The following SBF2 variants were observed in gnomAD, a reference collection of about 807,000 sequenced individuals.
The protein encoded by SBF2 is SET binding factor 2.
Under a neutral mutation model 225.2 loss-of-function variants are expected in SBF2, and 112 were observed. The ratio of observed to expected loss-of-function variants is 0.50; its 90% CI spans 0.43 to 0.58. The LOEUF (loss-of-function observed/expected upper bound fraction) is 0.58. Among genes scored for constraint, SBF2 ranks in the 20% least tolerant of loss-of-function variants. The probability of loss-of-function intolerance (pLI) is 0.00; values close to 1 mark genes in which losing one functional copy is unlikely to be tolerated. For missense variants in SBF2, 1,996 were observed against 2,206.2 expected (o/e 0.90, Z 1.91); for synonymous variants, 763 against 773.3 (o/e 0.99, Z 0.22).
At chr11:10,236,748 C>T (rs985889588) in intron 1 of SBF2, among the ~76,000 whole-genome samples, 2 of 152,168 alleles carry the variant, frequency 1.3e-5, no homozygotes, top group Admixed American at 1.3e-4. Context: ...AGGCGTGAGT[C>T]ACCACGCCCA....
intron 2 of SBF2, among the ~76,000 whole-genome samples, chr11:10,131,847 A>G (rs1457662287): frequency 6.6e-6 from 1 of 152,210 alleles, no homozygotes; most frequent in Non-Finnish European, 1.5e-5. Flanking sequence ...TAGCACAGCA[A>G]AAGTTCTTAA....
chr11:9,899,965 T>C (rs951316779), intron 16 of SBF2, among the ~76,000 whole-genome samples: 1 of 151,424 alleles, frequency 6.6e-6, no homozygotes, highest in Non-Finnish European at 1.5e-5. Flanking sequence ...TACTGATAGC[T>C]GTTACTTGGG....
At chr11:9,962,752 TATA>T (rs1364743942) in intron 15 of SBF2, among the ~76,000 whole-genome samples, 1 of 152,082 alleles carries the variant, frequency 6.6e-6, no homozygotes, top group African/African-American at 2.4e-5. Flanking sequence ...TTACTTCACA[TATA>T]ATAATAATAA....
chr11:10,144,786 T>C (rs568858882), intron 2 of SBF2, among the ~76,000 whole-genome samples: 1 of 152,368 alleles, frequency 6.6e-6, no homozygotes, highest in Admixed American at 6.5e-5. Flanking sequence ...GACCTATTAA[T>C]GAAATATTAG....
rs545338597 is a variant in SBF2 at position 9,918,900 on chromosome 11, G to A, written c.1861-22889C>T. Among the ~76,000 whole-genome samples the A allele has an allele frequency of 4.6e-5, 7 of 151,954 alleles. 1 individual carries two copies. The South Asian group carries it at 6.3e-4, about 14-fold the overall frequency. On this transcript the variant is annotated intron_variant, in intron 16 of 39. Transcript: ENST00000256190. ...ACTACAGGCGCCTGCCACCACGCCC[G>A]GCTAATTTTTTCTATTTTTTTTTAG...
chr11:10,272,347 C>G (rs72850483), intron 1 of SBF2: 2 of 628,242 alleles, frequency 3.2e-6, no homozygotes, highest in Non-Finnish European at 5.1e-6. Context: ...GGCTTACTTA[C>G]TTGCTAGTTA....
intron 8 of SBF2, among the ~76,000 whole-genome samples, chr11:10,000,145 T>C (rs1252645639): frequency 6.6e-6 from 1 of 152,238 alleles, no homozygotes; most frequent in African/African-American, 2.4e-5. Flanking sequence ...CAGAAATCTG[T>C]TTCTATAGCC....
At chr11:9,826,788 T>C (rs897397064) in intron 28 of SBF2, among the ~76,000 whole-genome samples, 1 of 151,358 alleles carries the variant, frequency 6.6e-6, no homozygotes, top group Non-Finnish European at 1.5e-5. Flanking sequence ...CACACACACT[T>C]TTGTTTATTT....
intron 1 of SBF2, among the ~76,000 whole-genome samples, chr11:10,228,552 G>A (rs530384902): frequency 4.6e-5 from 7 of 152,208 alleles, no homozygotes; most frequent in African/African-American, 1.4e-4. Flanking sequence ...ATTTTCAAAG[G>A]CCTTTTCTGC....
At chr11:9,836,823 C>T (rs1386798607) in intron 26 of SBF2, among the ~76,000 whole-genome samples, 1 of 152,032 alleles carries the variant, frequency 6.6e-6, no homozygotes, top group African/African-American at 2.4e-5. Flanking sequence ...TTTTTTAGTG[C>T]TACTGTAAAT....
At chr11:9,921,976 T>C (rs191882050) in intron 16 of SBF2, among the ~76,000 whole-genome samples, 12 of 152,316 alleles carry the variant, frequency 7.9e-5, no homozygotes, top group African/African-American at 2.6e-4. Flanking sequence ...CTGGGCATGG[T>C]AGTTCATGTC....
At chr11:9,847,140 T>G in intron 22 of SBF2, 57 bp from the exon 23 acceptor site, 1 of 1,597,586 alleles carries the variant, frequency 6.3e-7, no homozygotes, top group Non-Finnish European at 8.6e-7. Context: ...ACTTTTAGAG[T>G]GTCTACTGCT....
chr11:10,231,802 G>C (rs549596452), intron 1 of SBF2, among the ~76,000 whole-genome samples: 1 of 152,296 alleles, frequency 6.6e-6, no homozygotes, highest in East Asian at 1.9e-4. Context: ...ATCTCAAGCT[G>C]CGTGCTGGGA....
chr11:10,098,542 C>G (rs1389614865), intron 2 of SBF2, among the ~76,000 whole-genome samples: 1 of 149,246 alleles, frequency 6.7e-6, no homozygotes, highest in Non-Finnish European at 1.5e-5. Context: ...TAACTAACAC[C>G]AAAGAAATGG....
chr11:10,165,292 T>G (rs1565305112), intron 2 of SBF2, among the ~76,000 whole-genome samples: 1 of 152,188 alleles, frequency 6.6e-6, no homozygotes, highest in Non-Finnish European at 1.5e-5. Context: ...GCATTGCTAT[T>G]GGTATTTGAA....
chr11:9,886,134 G>C (rs565221422), intron 17 of SBF2, among the ~76,000 whole-genome samples: 1 of 152,324 alleles, frequency 6.6e-6, no homozygotes, highest in African/African-American at 2.4e-5. Context: ...GGCTGGCTCA[G>C]TCATAATTAT....
chr11:9,843,480 G>A (rs1245078291), intron 24 of SBF2, among the ~76,000 whole-genome samples: 1 of 152,168 alleles, frequency 6.6e-6, no homozygotes, highest in East Asian at 1.9e-4. Context: ...AACCCTTCTT[G>A]CTGACAGAAA....
intron 17 of SBF2, among the ~76,000 whole-genome samples, chr11:9,865,946 T>C (rs1590262633): frequency 6.6e-6 from 1 of 152,124 alleles, no homozygotes; most frequent in African/African-American, 2.4e-5. Context: ...TCCAACTGTT[T>C]GCTATTATAA....
chr11:9,824,087 T>A (rs10840309), intron 28 of SBF2, among the ~76,000 whole-genome samples: 2 of 151,966 alleles, frequency 1.3e-5, no homozygotes, highest in Non-Finnish European at 2.9e-5. Context: ...GATATGCACA[T>A]AGTGGTCATA....
Sources: allele counts gnomAD v4.1 joint callset (sites outside exome capture counted in the v4.1 genomes callset), GRCh38; gene constraint gnomAD v4.1.1; transcripts MANE v1.5; gene names NCBI Gene and HGNC (gene_info 2026-07-23, HGNC 2026-07-21).